The following RPP40 variants were observed in gnomAD, a reference collection of about 807,000 sequenced individuals.
The protein encoded by RPP40 is ribonuclease P/MRP subunit p40, also known as ribonuclease P protein subunit p40.
RPP40 carries 30 observed loss-of-function variants against 42.5 expected under a neutral mutation model. The ratio of observed to expected loss-of-function variants is 0.71; its 90% CI spans 0.53 to 0.96. The LOEUF (loss-of-function observed/expected upper bound fraction) is 0.96. Among genes scored for constraint, RPP40 ranks in the 40% least tolerant of loss-of-function variants. The pLI is 0.00. For synonymous variants in RPP40, 173 were observed against 164.0 expected (o/e 1.05, Z -0.42); for missense variants, 426 against 433.5 (o/e 0.98, Z 0.15).
chr6:4,999,204 C>G (rs1299749525), intron 4 of RPP40, among the ~76,000 whole-genome samples: 1 of 151,546 alleles, frequency 6.6e-6, no homozygotes, highest in Non-Finnish European at 1.5e-5. Context: ...TGAATTTCTA[C>G]TAGTAATCAT....
intron 5 of RPP40, 128 bp from the exon 6 acceptor site, chr6:4,996,548 G>T: frequency 1.3e-6 from 1 of 774,470 alleles, no homozygotes; most frequent in Non-Finnish European, 2.1e-6. Context: ...GTGCAGAGCT[G>T]CATTCAAATT....
At chr6:5,002,327 A>G (rs976647120) in intron 1 of RPP40, 82 bp from the exon 2 acceptor site, 1 of 1,239,298 alleles carries the variant, frequency 8.1e-7, no homozygotes, top group Middle Eastern at 2.8e-4. Context: ...CAAAATCATG[A>G]AAGTTGTTAT....
rs1561746682 is a variant in RPP40, at chr6:5,000,864, ATGCAGAAGACAAAGCT to A, written c.269-249_269-234del. On this transcript the variant is annotated intron_variant, in intron 2 of 7. Transcript: ENST00000380051. Reference sequence around the variant, plus strand: ...AGACCAAGCATGCAGAAGACCAAGCATGCAGAAGACAAAGCTTGCAGAAGACCAAGCATGCAGAAGA... The same window carrying A: ...AGACCAAGCATGCAGAAGACCAAGCATGCAGAAGACCAAGCATGCAGAAGA... Among the ~76,000 whole-genome samples, 513 of 117,176 alleles carry A rather than the reference ATGCAGAAGACAAAGCT, an allele frequency of 4.4e-3. 25 individuals are homozygous for A. The highest frequency in any genetic ancestry group is 0.014 in the African/African-American group (398 of 28,238). 76.9% of individuals were successfully genotyped at this position (117,176 alleles called of 152,430 possible). A position where few individuals can be genotyped will look rare whatever the true frequency, so the allele number is the denominator to read the frequency against.
chr6:4,992,693 C>T (rs541003189), downstream of RPP40, among the ~76,000 whole-genome samples: 1 of 152,244 alleles, frequency 6.6e-6, no homozygotes, highest in East Asian at 1.9e-4. Context: ...ACACTATTCA[C>T]ATTTAATGTG....
At chr6:5,002,778 C>T (rs1312472670) in intron 1 of RPP40, among the ~76,000 whole-genome samples, 2 of 152,176 alleles carry the variant, frequency 1.3e-5, no homozygotes, top group African/African-American at 2.4e-5. Context: ...GTATACATCC[C>T]TGACTGCTGT....
downstream of RPP40, among the ~76,000 whole-genome samples, chr6:4,992,005 G>A (rs554085562): frequency 6.6e-6 from 1 of 152,218 alleles, no homozygotes; most frequent in East Asian, 1.9e-4. Context: ...CAGAAGCCAG[G>A]CAGATGCCCA....
chr6:4,999,978 C>A, intron 3 of RPP40, 74 bp from the exon 4 acceptor site: 1 of 840,638 alleles, frequency 1.2e-6, no homozygotes. Flanking sequence ...GAAAGCAAGG[C>A]AAATTGAGCA....
In RPP40 at chr6:5,003,345, T is replaced by TCAAAAAAAAAAAAAAAAAA; in HGVS notation, c.123+534_123+535insTTTTTTTTTTTTTTTTTTG. 2.6e-5 allele frequency among the ~76,000 whole-genome samples: 2 copies of TCAAAAAAAAAAAAAAAAAA among 76,556 alleles called. 1 individual carries two copies. The highest frequency in any genetic ancestry group is 4.6e-5 in the Non-Finnish European group (2 of 43,448). 50.2% of individuals were successfully genotyped at this position (76,556 alleles called of 152,430 possible). A position where few individuals can be genotyped will look rare whatever the true frequency, so the allele number is the denominator to read the frequency against. On this transcript the variant is annotated intron_variant, in intron 1 of 7. Transcript: ENST00000380051. The stretch of plus-strand genomic sequence containing the variant: ...CTGGGCGACAGAGCGAAACTCCGTC[T>TCAAAAAAAAAAAAAAAAAA]AAAAAAAAAAAAAAAAAAAAAAGGA...
rs370544821 is a variant in RPP40 at position 5,003,871 on chromosome 6, C to T, written c.123+9G>A. ...CACGGCCCGAAAAGCCGAGGACAGCCGGACTCACCCTGTAGTTATAGTAGT... is the reference window on the plus strand; with the variant it reads ...CACGGCCCGAAAAGCCGAGGACAGCTGGACTCACCCTGTAGTTATAGTAGT... On this transcript the variant is annotated intron_variant, in intron 1 of 7. Transcript: ENST00000380051. 12 of 1,605,656 alleles carry T rather than the reference C, an allele frequency of 7.5e-6. No homozygotes were observed. Among genetic ancestry groups the T allele is most frequent in the Non-Finnish European group, 1.0e-5 (12 of 1,173,658 alleles).
chr6:4,996,288 G>A lies in RPP40; in HGVS notation c.692C>T (p.Pro231Leu). ...VLQSSELEGTPEVSCRALELF... is the reference protein window; with the variant it reads ...VLQSSELEGTLEVSCRALELF... ...CTCCAGAGCCCGGCAGGACACCTCT[G>A]GCGTTCCCTCCAGCTCGCTGCTCTG... The change falls in exon 6 of 8, where the codon CCA (proline) becomes CTA (leucine). Residue 231 changes from proline to leucine, a missense_variant. By Grantham distance (98) the Pro-to-Leu change is moderately conservative. Transcript: ENST00000380051. The A allele has an allele frequency of 1.2e-6, 2 of 1,614,124 alleles. No individual in the cohort carries two copies. The highest frequency in any genetic ancestry group is 8.5e-7 in the Non-Finnish European group (1 of 1,180,038).
chr6:4,990,837 G>A (rs201527517), downstream of RPP40, among the ~76,000 whole-genome samples: 9 of 151,974 alleles, frequency 5.9e-5, 1 homozygote, highest in East Asian at 1.7e-3. Context: ...ACAGATATAG[G>A]GCTATTCAGA....
chr6:4,998,761 T>C lies in RPP40; in HGVS notation c.514A>G (p.Lys172Glu), dbSNP rs746292479. ...AGAAAATCAAATTTCAATGGCTTCT[T>C]TTCTTTGAAAGACCAAGATATTCTT... is the stretch of plus-strand genomic sequence containing the variant. ...YERISWSFKE[K>E]KPLKFDFLLA... Residue 172 changes from lysine to glutamate, a missense_variant, in exon 5 of 8, where the codon AAG becomes GAG. Transcript: ENST00000380051. 10 of 1,564,396 alleles carry C rather than the reference T, an allele frequency of 6.4e-6. No individual in the cohort carries two copies. Among genetic ancestry groups the C allele is most frequent in the African/African-American group, 1.4e-5 (1 of 72,806 alleles).
intron 7 of RPP40, among the ~76,000 whole-genome samples, 174 bp from the exon 8 acceptor site, chr6:4,995,450 A>C (rs1050286173): frequency 6.6e-6 from 1 of 152,210 alleles, no homozygotes; most frequent in African/African-American, 2.4e-5. Flanking sequence ...CACACTGTGA[A>C]CTCCATAAGG....
chr6:4,991,149 T>C (rs1759257412), downstream of RPP40, among the ~76,000 whole-genome samples: 1 of 152,168 alleles, frequency 6.6e-6, no homozygotes, highest in Non-Finnish European at 1.5e-5. Context: ...TTTCATTAAG[T>C]CCCACTTTGA....
At chr6:4,998,381 C>T (rs1262871412) in intron 5 of RPP40, among the ~76,000 whole-genome samples, 1 of 152,152 alleles carries the variant, frequency 6.6e-6, no homozygotes, top group African/African-American at 2.4e-5. Flanking sequence ...ATTGGTGCTA[C>T]TTAAAAATAT....
intron 2 of RPP40, chr6:5,001,054 C>T (rs1206094744): frequency 2.2e-6 from 1 of 458,360 alleles, no homozygotes; most frequent in Non-Finnish European, 4.4e-6. Flanking sequence ...TGCAAGTTTA[C>T]TATCATCAAG....
intron 1 of RPP40, chr6:5,003,628 C>A (rs1309863744): frequency 7.4e-6 from 3 of 403,308 alleles, no homozygotes; most frequent in Non-Finnish European, 8.8e-6. Flanking sequence ...CCAGAACGCC[C>A]CTGACAACAG....
chr6:4,996,912 G>A (rs1759401409), intron 5 of RPP40, among the ~76,000 whole-genome samples: 1 of 152,176 alleles, frequency 6.6e-6, no homozygotes, highest in Non-Finnish European at 1.5e-5. Flanking sequence ...GGAAGACAGA[G>A]ATAGTACTCC....
chr6:5,000,418 C>G, intron 3 of RPP40, 145 bp downstream of exon 3: 1 of 583,262 alleles, frequency 1.7e-6, no homozygotes, highest in East Asian at 3.2e-5. Context: ...GAACTCCTGA[C>G]CTCAGGTGAT....
Sources: allele counts gnomAD v4.1 joint callset (sites outside exome capture counted in the v4.1 genomes callset), GRCh38; gene constraint gnomAD v4.1.1; transcripts MANE v1.5; gene names NCBI Gene and HGNC (gene_info 2026-07-23, HGNC 2026-07-21).